CD99L2: variants seen among roughly 807,000 people sequenced by gnomAD.
The protein encoded by CD99L2 is CD99 molecule like 2, also known as CD99 antigen-like protein 2.
CD99L2 carries 24 observed loss-of-function variants against 27.3 expected under a neutral mutation model. The observed-to-expected ratio is 0.88, with a 90% CI of 0.64 to 1.24. The LOEUF is 1.24. Ranked by LOEUF, CD99L2 falls within the 50% of genes most tolerant of loss-of-function variation. CD99L2 has a pLI of 0.00. For synonymous variants in CD99L2, 97 were observed against 87.9 expected (o/e 1.10, Z -0.58); for missense variants, 255 against 221.6 (o/e 1.15, Z -0.96).
chrX:150,876,515 G>GA (rs1460126079), intron 1 of CD99L2, among the ~76,000 whole-genome samples: 1 of 112,182 alleles, frequency 8.9e-6, no homozygotes, highest in Non-Finnish European at 1.9e-5. Flanking sequence ...TCATGAATGG[G>GA]AAAAATCTAG....
At chrX:150,819,334 C>T (rs2046212035) in intron 2 of CD99L2, 1 of 210,376 alleles carries the variant, frequency 4.8e-6, no homozygotes, top group Non-Finnish European at 8.8e-6. Context: ...TCTCAATATC[C>T]TATAATCTTT....
intron 2 of CD99L2, among the ~76,000 whole-genome samples, chrX:150,830,020 C>T (rs1197913113): frequency 2.8e-5 from 3 of 109,082 alleles, no homozygotes; most frequent in Non-Finnish European, 5.7e-5. Flanking sequence ...CTGGGCGTGG[C>T]GGTACGCACC....
At chrX:150,827,760 C>A (rs1557420965) in intron 2 of CD99L2, among the ~76,000 whole-genome samples, 1 of 111,788 alleles carries the variant, frequency 8.9e-6, no homozygotes, top group Non-Finnish European at 1.9e-5. Context: ...AAATTAACTT[C>A]TAAGAGACTT....
Position 150,777,433 on chromosome X carries a change from C to A in CD99L2, c.535+11G>T. 1 of 1,211,691 alleles carries A rather than the reference C, an allele frequency of 8.3e-7. No homozygotes were observed. The highest frequency in any genetic ancestry group is 1.1e-6 in the Non-Finnish European group (1 of 895,388). ...CATGGCCAACAGGAGCCTCAGGATTCAGAAACCCACCAGATCCAGGGTCGT... is the reference window on the plus strand; with the variant it reads ...CATGGCCAACAGGAGCCTCAGGATTAAGAAACCCACCAGATCCAGGGTCGT... On this transcript the variant is annotated intron_variant, in intron 8 of 10. Coordinates refer to ENST00000370377, the MANE Select transcript of CD99L2 (RefSeq NM_031462.4).
intron 2 of CD99L2, chrX:150,829,540 G>C (rs1396133088): frequency 9.1e-6 from 3 of 327,957 alleles, no homozygotes; most frequent in African/African-American, 5.3e-5. Flanking sequence ...CTAGCATCCA[G>C]AACAGTGACA....
chrX:150,829,593 T>C (rs1557421009), intron 2 of CD99L2: 1 of 304,479 alleles, frequency 3.3e-6, no homozygotes. Context: ...TTGTGGTACA[T>C]TCCTAAGGCA....
chrX:150,882,757 G>C (rs1162655796), intron 1 of CD99L2, among the ~76,000 whole-genome samples: 2 of 110,309 alleles, frequency 1.8e-5, no homozygotes, highest in Non-Finnish European at 3.8e-5. Context: ...TGTGCTTCTA[G>C]TAATGGCAAA....
At chrX:150,895,653 C>T (rs782070772) in intron 1 of CD99L2, among the ~76,000 whole-genome samples, 6 of 111,602 alleles carry the variant, frequency 5.4e-5, no homozygotes, top group East Asian at 2.8e-4. Flanking sequence ...GTCATTTTGA[C>T]GCAGCAGCTC....
At chrX:150,809,911 A>G (rs2046048776) in intron 4 of CD99L2, among the ~76,000 whole-genome samples, 1 of 112,311 alleles carries the variant, frequency 8.9e-6, no homozygotes, top group African/African-American at 3.2e-5. Context: ...CACTAGGAAG[A>G]CATAATGATC....
At chrX:150,795,327 G>C (rs782156800) in intron 5 of CD99L2, 38 bp from the exon 6 acceptor site, 75 of 1,204,152 alleles carry the variant, frequency 6.2e-5, no homozygotes, top group Non-Finnish European at 8.1e-5. Flanking sequence ...TACTCAATTA[G>C]TTCATCTATG....
At chrX:150,835,841 A>T (rs1449664121) in intron 1 of CD99L2, among the ~76,000 whole-genome samples, 3 of 111,833 alleles carry the variant, frequency 2.7e-5, no homozygotes, top group African/African-American at 6.5e-5. Flanking sequence ...CCTTCTCCAT[A>T]GAGAAGTAAG....
chrX:150,787,926 A>ATATATATATATAT (rs2045625602), intron 7 of CD99L2, among the ~76,000 whole-genome samples: 20 of 90,863 alleles, frequency 2.2e-4, no homozygotes, highest in African/African-American at 3.3e-4. Context: ...ATATATATAT[A>ATATATATATATAT]AAAGGAGTCC....
At chrX:150,778,730 A>T (rs909387108) in intron 7 of CD99L2, among the ~76,000 whole-genome samples, 3 of 105,756 alleles carry the variant, frequency 2.8e-5, no homozygotes, top group Admixed American at 1.0e-4. Context: ...TTCCTGGGGA[A>T]AAATGAGGTT....
chrX:150,877,808 C>T (rs782311739), intron 1 of CD99L2, among the ~76,000 whole-genome samples: 1 of 108,738 alleles, frequency 9.2e-6, no homozygotes, highest in South Asian at 4.0e-4. Flanking sequence ...AACAGTGAGT[C>T]CACGTCTCAA....
chrX:150,773,069 A>C (rs1557419153), intron 9 of CD99L2, among the ~76,000 whole-genome samples: 1 of 112,718 alleles, frequency 8.9e-6, no homozygotes, highest in Admixed American at 9.3e-5. Flanking sequence ...AGACAGATAC[A>C]ATCAAGATGT....
At chrX:150,870,993 T>C (rs1265454497) in intron 1 of CD99L2, among the ~76,000 whole-genome samples, 12 of 112,287 alleles carry the variant, frequency 1.1e-4, no homozygotes, top group Non-Finnish European at 2.1e-4. Context: ...ACAATCCCTA[T>C]GCCTCCCACA....
intron 1 of CD99L2, among the ~76,000 whole-genome samples, chrX:150,861,465 C>T (rs1465630646): frequency 1.8e-5 from 2 of 111,971 alleles, no homozygotes; most frequent in Non-Finnish European, 3.8e-5. Context: ...CACATATTTA[C>T]AGCCAGCTGA....
chrX:150,774,472 G>A (rs139409326), intron 9 of CD99L2, among the ~76,000 whole-genome samples: 172 of 111,972 alleles, frequency 1.5e-3, no homozygotes, highest in African/African-American at 5.1e-3. Context: ...CCGTGGGGAA[G>A]GCCATGTGGA....
intron 4 of CD99L2, among the ~76,000 whole-genome samples, chrX:150,813,870 T>C (rs1436324150): frequency 2.7e-5 from 3 of 112,294 alleles, no homozygotes; most frequent in African/African-American, 9.7e-5. Context: ...ATCTGTTAGA[T>C]GTTTTCTTGA....
Sources: allele counts gnomAD v4.1 joint callset (sites outside exome capture counted in the v4.1 genomes callset), GRCh38; gene constraint gnomAD v4.1.1; transcripts MANE v1.5; gene names NCBI Gene and HGNC (gene_info 2026-07-23, HGNC 2026-07-21).